ZNF676: variants seen among roughly 807,000 people sequenced by gnomAD.
ZNF676 encodes the protein zinc finger protein 676.
A neutral mutation model predicts 6.0 loss-of-function variants in ZNF676; 4 were observed. The ratio of observed to expected loss-of-function variants is 0.67; its 90% CI spans 0.33 to 1.53. The LOEUF (loss-of-function observed/expected upper bound fraction) is 1.53, where lower values mean the gene tolerates loss of function less well. Among genes scored for constraint, ZNF676 ranks in the 40% most tolerant of loss-of-function variants. ZNF676 has a pLI of 0.06. For missense variants in ZNF676, 644 were observed against 679.7 expected (o/e 0.95, Z 0.58); for synonymous variants, 198 against 223.1 (o/e 0.89, Z 1.00).
the ZNF676 span, among the ~76,000 whole-genome samples, chr19:22,232,257 T>A: frequency 6.6e-6 from 1 of 152,102 alleles, no homozygotes; most frequent in South Asian, 2.1e-4. Flanking sequence ...AACTTCCACC[T>A]CCCAGGTTCA....
At chr19:22,256,605 CCTT>C in the ZNF676 span, among the ~76,000 whole-genome samples, 2,246 of 152,188 alleles carry the variant, frequency 0.015, 46 homozygotes, top group African/African-American at 0.051. Context: ...TGTCACAAGG[CCTT>C]CTGTGAGCAG....
rs369532914 is a variant in ZNF676, at chr19:22,181,211, T to C, written c.506A>G (p.Tyr169Cys). 2 of 1,613,960 alleles carry C rather than the reference T, an allele frequency of 1.2e-6. No homozygotes were observed. Among genetic ancestry groups the C allele is most frequent in the Non-Finnish European group, 1.7e-6 (2 of 1,179,920 alleles). Residue 169 changes from tyrosine to cysteine, a missense_variant, in exon 3 of 3, where the codon TAC becomes TGC. Coordinates refer to ENST00000397121, the MANE Select transcript of ZNF676 (RefSeq NM_001001411.3). ...AGCTTTGCCATTTTCTTCACATTTG[T>C]AGGAATTCTCTCTAGTATAAATTCT... Reference protein sequence around the residue: ...HERIYTRENSYKCEENGKAFN... With the variant: ...HERIYTRENSCKCEENGKAFN...
chr19:22,211,487 T>A (rs1471838627), intron 1 of ZNF676, among the ~76,000 whole-genome samples: 2 of 152,210 alleles, frequency 1.3e-5, no homozygotes, highest in African/African-American at 4.8e-5. Flanking sequence ...TCAAAAACAG[T>A]GTTCATATAA....
At position 22,180,612 on chromosome 19, in the gene ZNF676, C is replaced by T. The variant is rs759129494; in HGVS notation, c.1105G>A (p.Gly369Arg). The T allele has an allele frequency of 1.2e-6, 2 of 1,612,540 alleles. No homozygotes were observed. The highest frequency in any genetic ancestry group is 1.7e-6 in the Non-Finnish European group (2 of 1,179,496). Residue 369 changes from glycine to arginine, a missense_variant, in exon 3 of 3, where the codon GGA becomes AGA. Physicochemically the swap from Gly to Arg is moderately radical, Grantham distance 125 (BLOSUM62 -2). Coordinates refer to ENST00000397121, the MANE Select transcript of ZNF676 (RefSeq NM_001001411.3). ...ACCTTACTAAAGGCTTTGCCACATC[C>T]TTCACATTTGTAGGGTTTCTCTCCA... ...HTGEKPYKCE[G>R]CGKAFSKVST...
the ZNF676 span, among the ~76,000 whole-genome samples, chr19:22,235,004 G>GA: frequency 8.8e-6 from 1 of 113,072 alleles, no homozygotes; most frequent in Non-Finnish European, 1.8e-5. Flanking sequence ...AAGAAAGAAA[G>GA]AAAGAAAGAA....
rs138355367 is a variant in ZNF676, at chr19:22,211,333, G to C, written c.3+4299C>G. Among the ~76,000 whole-genome samples, 330 of 152,172 alleles carry C rather than the reference G, an allele frequency of 2.2e-3. 1 individual carries two copies. The highest frequency in any genetic ancestry group is 7.6e-3 in the African/African-American group (315 of 41,516). ...ATCTGCAGGAAAGGCTTTCCAGAAGGAACTAAATGGGCCTTTAATAACCTC... is the reference window on the plus strand; with the variant it reads ...ATCTGCAGGAAAGGCTTTCCAGAAGCAACTAAATGGGCCTTTAATAACCTC... On this transcript the variant is annotated intron_variant, in intron 1 of 3. Transcript: ENST00000650058.
chr19:22,205,907 A>C (rs1306374877), intron 1 of ZNF676, among the ~76,000 whole-genome samples: 2 of 152,074 alleles, frequency 1.3e-5, no homozygotes, highest in African/African-American at 2.4e-5. Flanking sequence ...ACTATGAGCT[A>C]GATTAATGAA....
chr19:22,188,278 T>C (rs1460077437), intron 2 of ZNF676, among the ~76,000 whole-genome samples: 1 of 152,124 alleles, frequency 6.6e-6, no homozygotes, highest in East Asian at 1.9e-4. Context: ...ATTATCTCAA[T>C]AGATGCAGGA....
intron 2 of ZNF676, among the ~76,000 whole-genome samples, chr19:22,183,733 A>G (rs894651571): frequency 6.6e-6 from 1 of 152,216 alleles, no homozygotes; most frequent in Non-Finnish European, 1.5e-5. Context: ...GGCAAGATGG[A>G]AGTAGACATT....
upstream of ZNF676, chr19:22,215,777 A>G (rs1246906201): frequency 9.9e-7 from 1 of 1,014,340 alleles, no homozygotes; most frequent in Non-Finnish European, 1.4e-6. Context: ...AGGACCGACC[A>G]CATCCCGGAA....
At chr19:22,230,282 A>T in the ZNF676 span, among the ~76,000 whole-genome samples, 1 of 152,174 alleles carries the variant, frequency 6.6e-6, no homozygotes, top group Non-Finnish European at 1.5e-5. Context: ...CTCACTCATA[A>T]GTGGGAGTTG....
At chr19:22,230,290 T>C in the ZNF676 span, among the ~76,000 whole-genome samples, 1 of 151,718 alleles carries the variant, frequency 6.6e-6, no homozygotes, top group Non-Finnish European at 1.5e-5. Context: ...TAAGTGGGAG[T>C]TGAACAATGA....
At chr19:22,250,327 A>G in the ZNF676 span, among the ~76,000 whole-genome samples, 1 of 152,112 alleles carries the variant, frequency 6.6e-6, no homozygotes, top group African/African-American at 2.4e-5. Context: ...AAACTACAAG[A>G]AAAAAAAGAC....
At chr19:22,251,169 T>A in the ZNF676 span, among the ~76,000 whole-genome samples, 1 of 152,364 alleles carries the variant, frequency 6.6e-6, no homozygotes, top group African/African-American at 2.4e-5. Context: ...TGGAACATAG[T>A]TATATCAAAG....
the ZNF676 span, among the ~76,000 whole-genome samples, chr19:22,258,594 C>G: frequency 6.6e-6 from 1 of 152,264 alleles, no homozygotes; most frequent in East Asian, 1.9e-4. Context: ...AGAATGCTCT[C>G]TGTAGGCAAG....
At chr19:22,222,262 G>T in the ZNF676 span, among the ~76,000 whole-genome samples, 6 of 151,944 alleles carry the variant, frequency 3.9e-5, no homozygotes, top group Admixed American at 2.6e-4. Context: ...CTGCCACCAC[G>T]CATGGCTAAT....
rs559896481 is a variant in ZNF676, at chr19:22,180,081, A to G, written c.1636T>C (p.Ser546Pro). Residue 546 changes from serine to proline, a missense_variant, in exon 3 of 3, where the codon TCA becomes CCA. Ser to Pro is a moderately conservative substitution (Grantham distance 74). Transcript: ENST00000397121. ...EECGKAFSRS[S>P]SLTRHKRIHT... is the part of the protein sequence containing the mutation. ...ATTCTCTTGTGTCTAGTAAGGCTTGAGGATCTGCTGAAGGCTTTGCCACAT... is the reference window on the plus strand; with the variant it reads ...ATTCTCTTGTGTCTAGTAAGGCTTGGGGATCTGCTGAAGGCTTTGCCACAT... The G allele has an allele frequency of 6.2e-7, 1 of 1,613,770 alleles. No homozygotes were observed. The highest frequency in any genetic ancestry group is 2.2e-5 in the East Asian group (1 of 44,858).
chr19:22,231,334 T>C, the ZNF676 span, among the ~76,000 whole-genome samples: 80 of 151,970 alleles, frequency 5.3e-4, no homozygotes, highest in Admixed American at 1.6e-3. Context: ...AACAATCAAA[T>C]GAAACAATAA....
At chr19:22,199,050 G>A (rs1047432005), upstream of ZNF676, among the ~76,000 whole-genome samples, 5 of 151,510 alleles carry the variant, frequency 3.3e-5, no homozygotes, top group African/African-American at 1.2e-4. Flanking sequence ...CACAAGTAAA[G>A]AGAGTTCTGC....
Sources: allele counts gnomAD v4.1 joint callset (sites outside exome capture counted in the v4.1 genomes callset), GRCh38; gene constraint gnomAD v4.1.1; transcripts MANE v1.5; gene names NCBI Gene and HGNC (gene_info 2026-07-23, HGNC 2026-07-21).